Variants in KCTD8 observed in about 807,000 individuals in gnomAD.
KCTD8 encodes BTB/POZ domain-containing protein KCTD8.
A neutral mutation model predicts 31.5 loss-of-function variants in KCTD8; 27 were observed. That is an observed-to-expected ratio of 0.86 (90% CI 0.63 to 1.18). The LOEUF (loss-of-function observed/expected upper bound fraction) is 1.18, where lower values mean the gene tolerates loss of function less well. Ranked by LOEUF, KCTD8 falls within the 50% of genes most tolerant of loss-of-function variation. The probability of loss-of-function intolerance (pLI) is 0.00; values close to 1 mark genes in which losing one functional copy is unlikely to be tolerated. For missense variants in KCTD8, 658 were observed against 647.7 expected, an observed-to-expected ratio of 1.02 and a Z score of -0.17; for synonymous variants, 290 against 280.0, an observed-to-expected ratio of 1.04 and a Z score of -0.36.
intron 1 of KCTD8, among the ~76,000 whole-genome samples, chr4:44,325,178 G>A (rs1035513780): frequency 1.3e-5 from 2 of 151,910 alleles, no homozygotes; most frequent in African/African-American, 2.4e-5. Flanking sequence ...TATTTCTTTG[G>A]TGGTTTGGGT....
chr4:44,346,005 C>T (rs1232208523), intron 1 of KCTD8, among the ~76,000 whole-genome samples: 1 of 151,980 alleles, frequency 6.6e-6, no homozygotes, highest in Non-Finnish European at 1.5e-5. Context: ...AGATTTCAAT[C>T]TAGTTAAAGC....
At chr4:44,281,759 A>T (rs1488245635) in intron 1 of KCTD8, among the ~76,000 whole-genome samples, 1 of 152,158 alleles carries the variant, frequency 6.6e-6, no homozygotes, top group Non-Finnish European at 1.5e-5. Flanking sequence ...CAACTTTAAT[A>T]GCATGGCACT....
At chr4:44,332,568 T>C (rs199575278) in intron 1 of KCTD8, among the ~76,000 whole-genome samples, 1 of 152,034 alleles carries the variant, frequency 6.6e-6, no homozygotes, top group East Asian at 1.9e-4. Flanking sequence ...CTTACATTTA[T>C]GTACTATTTT....
chr4:44,296,582 C>T (rs1263717082), intron 1 of KCTD8, among the ~76,000 whole-genome samples: 1 of 152,020 alleles, frequency 6.6e-6, no homozygotes, highest in African/African-American at 2.4e-5. Context: ...ATATCTCAGA[C>T]ACTGAAACAC....
chr4:44,285,176 T>A (rs761592183), intron 1 of KCTD8, among the ~76,000 whole-genome samples: 3 of 152,180 alleles, frequency 2.0e-5, no homozygotes, highest in African/African-American at 7.2e-5. Flanking sequence ...TGTACACATA[T>A]GTGTATTGCA....
chr4:44,354,858 T>G (rs1339745103), intron 1 of KCTD8, among the ~76,000 whole-genome samples: 1 of 152,100 alleles, frequency 6.6e-6, no homozygotes, highest in African/African-American at 2.4e-5. Context: ...TTGCATACAA[T>G]GGACATCATG....
chr4:44,359,129 G>C (rs1051880471), intron 1 of KCTD8, among the ~76,000 whole-genome samples: 13 of 152,158 alleles, frequency 8.5e-5, no homozygotes, highest in African/African-American at 3.1e-4. Flanking sequence ...TCACTCTGAT[G>C]ATAGTTTCTT....
chr4:44,448,568 C>A lies in KCTD8; in HGVS notation c.-45G>T. Reference sequence around the variant, plus strand: ...CAGTGACCCGAGAGAGCTGCACTTTCTCGTTCCCGGAGCCCGCGCCCCAGC... The same window carrying A: ...CAGTGACCCGAGAGAGCTGCACTTTATCGTTCCCGGAGCCCGCGCCCCAGC... On this transcript the variant is annotated 5_prime_UTR_variant, in exon 1 of 2. Transcript: ENST00000360029. This position sits in a 1 kb window ranked among gnomAD's most constrained non-coding sequence, Gnocchi z 4.1. 2.1e-6 allele frequency: 3 copies of A among 1,399,958 alleles called. No individual in the cohort carries two copies. The highest frequency in any genetic ancestry group is 3.6e-5 in the South Asian group (2 of 54,904). 86.7% of individuals were successfully genotyped at this position (1,399,958 alleles called of 1,614,324 possible).
intron 1 of KCTD8, among the ~76,000 whole-genome samples, chr4:44,364,428 A>G (rs1719578608): frequency 6.6e-6 from 1 of 152,186 alleles, no homozygotes; most frequent in Admixed American, 6.5e-5. Flanking sequence ...AAACACTGGC[A>G]AAACCTGAGG....
intron 1 of KCTD8, among the ~76,000 whole-genome samples, chr4:44,410,670 G>A (rs927847761): frequency 2.0e-5 from 3 of 152,220 alleles, no homozygotes; most frequent in Admixed American, 6.5e-5. Context: ...AGCAAGTCAT[G>A]TCTTATGTGG....
intron 1 of KCTD8, among the ~76,000 whole-genome samples, chr4:44,315,529 A>G (rs539661948): frequency 6.6e-6 from 1 of 152,252 alleles, no homozygotes; most frequent in East Asian, 1.9e-4. Context: ...CATCTTCTGG[A>G]TAAGATTCAC....
intron 1 of KCTD8, among the ~76,000 whole-genome samples, chr4:44,197,063 T>C (rs1285843976): frequency 6.6e-6 from 1 of 152,128 alleles, no homozygotes; most frequent in Non-Finnish European, 1.5e-5. Flanking sequence ...GCCTGAATAC[T>C]GTGGTCAGGC....
chr4:44,418,042 C>A (rs537518773), intron 1 of KCTD8, among the ~76,000 whole-genome samples: 1 of 152,222 alleles, frequency 6.6e-6, no homozygotes, highest in African/African-American at 2.4e-5. Flanking sequence ...GACAGATATA[C>A]AACTCATTCA....
chr4:44,265,208 G>C (rs913085406), intron 1 of KCTD8, among the ~76,000 whole-genome samples: 1 of 152,116 alleles, frequency 6.6e-6, no homozygotes, highest in Non-Finnish European at 1.5e-5. Flanking sequence ...CCAGAGGAAC[G>C]ATCAGACAGC....
chr4:44,321,722 G>A (rs1481176596), intron 1 of KCTD8, among the ~76,000 whole-genome samples: 1 of 151,900 alleles, frequency 6.6e-6, no homozygotes, highest in Non-Finnish European at 1.5e-5. Context: ...TTGTATTGTT[G>A]TACCCATTAA....
intron 1 of KCTD8, among the ~76,000 whole-genome samples, chr4:44,328,297 G>C (rs1718499819): frequency 6.6e-6 from 1 of 151,922 alleles, no homozygotes; most frequent in Non-Finnish European, 1.5e-5. Context: ...TTTGTTGACA[G>C]CATGGGTAAC....
In KCTD8 at chr4:44,439,923, T is replaced by TA. The variant is rs1721776626; in HGVS notation, c.961+7639dup. Among the ~76,000 whole-genome samples the TA allele has an allele frequency of 2.0e-5, 3 of 150,462 alleles. No homozygotes were observed. The South Asian group carries it at 6.3e-4, about 31-fold the overall frequency. On this transcript the variant is annotated intron_variant, in intron 1 of 1. Transcript: ENST00000360029. ...ATTTTTATTTATTTATTTATTTATT[T>TA]ATTTATTTATTTATTTATTTATGTT...
intron 1 of KCTD8, among the ~76,000 whole-genome samples, chr4:44,281,138 C>G (rs983739690): frequency 2.0e-5 from 3 of 148,420 alleles, no homozygotes; most frequent in Non-Finnish European, 4.5e-5. Context: ...AGCACGAGAG[C>G]CAGTCTGAAG....
intron 1 of KCTD8, among the ~76,000 whole-genome samples, chr4:44,276,800 T>G (rs1716763981): frequency 6.6e-6 from 1 of 151,982 alleles, no homozygotes; most frequent in African/African-American, 2.4e-5. Flanking sequence ...TGTTCTAAAA[T>G]TAAAGAATGA....
Sources: gnomAD v4.1 joint callset for allele counts (sites outside exome capture counted in the v4.1 genomes callset) on GRCh38, gnomAD v4.1.1 for gene constraint, Gnocchi (gnomAD v3.1) non-coding constraint, MANE v1.5 for transcripts, NCBI Gene and HGNC (gene_info 2026-07-23, HGNC 2026-07-21) for gene names.